The following GALNT13 variants were observed in gnomAD, a reference collection of about 807,000 sequenced individuals.
GALNT13 encodes the protein UDP-GalNAc:polypeptide N-acetylgalactosaminyltransferase 13.
A neutral mutation model predicts 64.2 loss-of-function variants in GALNT13; 28 were observed. That is an observed-to-expected ratio of 0.44 (90% CI 0.32 to 0.60). The LOEUF is 0.60. Ranked by LOEUF, GALNT13 falls within the 20% of genes least tolerant of loss-of-function variation. The pLI, the probability that GALNT13 is intolerant of heterozygous loss-of-function variation, is 0.05. For synonymous variants in GALNT13, 214 were observed against 224.6 expected (o/e 0.95, Z 0.42); for missense variants, 577 against 669.8 (o/e 0.86, Z 1.53).
the GALNT13 span, among the ~76,000 whole-genome samples, chr2:153,399,676 C>A: frequency 6.6e-6 from 1 of 151,554 alleles, no homozygotes; most frequent in Non-Finnish European, 1.5e-5. Flanking sequence ...ATTTTATTCT[C>A]TTTGAAGCAA....
intron 3 of GALNT13, among the ~76,000 whole-genome samples, chr2:154,088,977 G>A (rs920994821): frequency 2.6e-5 from 4 of 152,078 alleles, no homozygotes; most frequent in Non-Finnish European, 5.9e-5. Flanking sequence ...TGTGAACACA[G>A]GAGGGCTCTT....
chr2:153,557,361 G>A, the GALNT13 span, among the ~76,000 whole-genome samples: 74,514 of 151,924 alleles, frequency 0.49, 18,925 homozygotes, highest in African/African-American at 0.61. Context: ...TCACCTAACA[G>A]TGCATCTGTT....
chr2:153,923,875 A>G (rs564487441), intron 2 of GALNT13, among the ~76,000 whole-genome samples: 2 of 151,872 alleles, frequency 1.3e-5, no homozygotes, highest in Admixed American at 1.3e-4. Context: ...TGAACTCATC[A>G]TTTTTTATGG....
the GALNT13 span, among the ~76,000 whole-genome samples, chr2:153,821,586 G>A: frequency 6.6e-6 from 1 of 152,034 alleles, no homozygotes; most frequent in African/African-American, 2.4e-5. Context: ...TGCAGCAAAA[G>A]CAATGTTAAG....
In GALNT13 at chr2:154,140,337, C is replaced by G. The variant is rs1254612469; in HGVS notation, c.143C>G (p.Ala48Gly). The G allele has an allele frequency of 1.7e-5, 27 of 1,609,902 alleles. No homozygotes were observed. Among genetic ancestry groups the G allele is most frequent in the Non-Finnish European group, 2.0e-5 (23 of 1,176,852 alleles). The change falls in exon 4 of 13, where the codon GCT becomes GGT. Residue 48 changes from alanine (A) to glycine (G), a missense_variant and splice_region_variant. Physicochemically the swap from Ala to Gly is moderately conservative, Grantham distance 60. This residue lies in a region of GALNT13 where 341 missense variants were observed against 379.3 expected (regional missense o/e 0.90). Coordinates refer to ENST00000392825, the MANE Select transcript of GALNT13 (RefSeq NM_052917.4). ...GTCTGTATCTCTGTATGTCTTACAG[C>G]TGTTATTTCAAGAAACCAAGAAGGG... Reference protein sequence around the residue: ...KERSLLPALRAVISRNQEGPG... With the variant: ...KERSLLPALRGVISRNQEGPG...
intron 3 of GALNT13, among the ~76,000 whole-genome samples, chr2:154,126,642 CA>C (rs61506112): frequency 1.7e-3 from 218 of 130,676 alleles, no homozygotes; most frequent in African/African-American, 5.2e-3. Context: ...CTCAAAAAAA[CA>C]AAAAAAAAAA....
chr2:154,339,682 C>A (rs1695649745), intron 9 of GALNT13, among the ~76,000 whole-genome samples: 1 of 151,994 alleles, frequency 6.6e-6, no homozygotes. Flanking sequence ...ACTTTAGTGA[C>A]AATGGATAGT....
chr2:154,070,035 A>G (rs1700664376), intron 3 of GALNT13, among the ~76,000 whole-genome samples: 1 of 152,122 alleles, frequency 6.6e-6, no homozygotes, highest in Non-Finnish European at 1.5e-5. Flanking sequence ...TAACAGCAAT[A>G]AGACTGATCC....
chr2:153,957,448 A>G lies in GALNT13; in HGVS notation c.142+12809A>G, dbSNP rs1396787220. Among the ~76,000 whole-genome samples, 15 of 152,350 alleles carry G rather than the reference A, an allele frequency of 9.8e-5. No homozygotes were observed. In the South Asian group the frequency reaches 2.9e-3, roughly 29 times the overall value. Reference sequence around the variant, plus strand: ...CTGTGGGAAGCCATCTGCAGGGACAATGGTCCAAGACTTCCAGTAAACTTA... The same window carrying G: ...CTGTGGGAAGCCATCTGCAGGGACAGTGGTCCAAGACTTCCAGTAAACTTA... On this transcript the variant is annotated intron_variant, in intron 3 of 12. Transcript: ENST00000392825.
intron 1 of GALNT13, among the ~76,000 whole-genome samples, chr2:153,897,105 T>G (rs994290716): frequency 1.3e-5 from 2 of 152,164 alleles, no homozygotes; most frequent in African/African-American, 4.8e-5. Flanking sequence ...GACATCATGC[T>G]TCCTTAACTG....
At chr2:153,417,339 T>C in the GALNT13 span, among the ~76,000 whole-genome samples, 1 of 152,134 alleles carries the variant, frequency 6.6e-6, no homozygotes, top group Non-Finnish European at 1.5e-5. Flanking sequence ...ATTTTCTTGG[T>C]TTTCTCTCTC....
At chr2:153,140,664 T>A in the GALNT13 span, among the ~76,000 whole-genome samples, 2 of 152,038 alleles carry the variant, frequency 1.3e-5, no homozygotes, top group African/African-American at 4.8e-5. Context: ...GAGTGCCTTT[T>A]ATGTAAAACA....
At position 154,237,518 on chromosome 2, in the gene GALNT13, T is replaced by TTATATATA. The variant is rs10624007; in HGVS notation, c.312-4500_312-4493dup. ...CAGTGAGTTAAAAACTCTGCCAGCT[T>TTATATATA]TATATATATATATATATATGTAATA... is the stretch of plus-strand genomic sequence containing the variant. On this transcript the variant is annotated intron_variant, in intron 4 of 12. Transcript: ENST00000392825. Among the ~76,000 whole-genome samples, 815 of 142,746 alleles carry TTATATATA rather than the reference T, an allele frequency of 5.7e-3. 8 individuals carry two copies. The highest frequency in any genetic ancestry group is 0.018 in the Middle Eastern group (5 of 274). The allele number at this position is 142,746 out of a possible 152,430, so 93.6% of individuals were successfully genotyped here. A position where few individuals can be genotyped will look rare whatever the true frequency, so the allele number is the denominator to read the frequency against.
chr2:153,220,400 A>AT, the GALNT13 span, among the ~76,000 whole-genome samples: 27 of 152,210 alleles, frequency 1.8e-4, no homozygotes, highest in Admixed American at 3.9e-4. Flanking sequence ...GTGCATTAAG[A>AT]GGCAAAATGG....
At chr2:153,826,901 G>C in the GALNT13 span, among the ~76,000 whole-genome samples, 2 of 152,156 alleles carry the variant, frequency 1.3e-5, no homozygotes, top group African/African-American at 4.8e-5. Context: ...GGAGGAGAAA[G>C]TTGCTGATGC....
At chr2:153,101,558 G>T in the GALNT13 span, among the ~76,000 whole-genome samples, 1 of 152,118 alleles carries the variant, frequency 6.6e-6, no homozygotes, top group South Asian at 2.1e-4. Context: ...CTGCATTCTA[G>T]TCTTTTTTTG....
the GALNT13 span, among the ~76,000 whole-genome samples, chr2:153,671,902 C>T: frequency 6.6e-6 from 1 of 152,104 alleles, no homozygotes; most frequent in Non-Finnish European, 1.5e-5. Flanking sequence ...GGTTGCAATC[C>T]TGGTCTCTGA....
At chr2:153,348,644 G>C in the GALNT13 span, among the ~76,000 whole-genome samples, 2 of 152,216 alleles carry the variant, frequency 1.3e-5, no homozygotes, top group Non-Finnish European at 2.9e-5. Flanking sequence ...GAATGTCCCA[G>C]TTCTCACATA....
chr2:153,144,237 G>A, the GALNT13 span, among the ~76,000 whole-genome samples: 1 of 151,878 alleles, frequency 6.6e-6, no homozygotes. Flanking sequence ...GGAATATGGT[G>A]CAATGGAAGC....
Sources: allele counts gnomAD v4.1 joint callset (sites outside exome capture counted in the v4.1 genomes callset), GRCh38; gene constraint gnomAD v4.1.1; regional missense constraint gnomAD v4.1.1; transcripts MANE v1.5; gene names NCBI Gene and HGNC (gene_info 2026-07-23, HGNC 2026-07-21).